Variants in MUSK observed in about 807,000 individuals in gnomAD.
MUSK encodes the protein muscle associated receptor tyrosine kinase.
A neutral mutation model predicts 88.7 loss-of-function variants in MUSK; 55 were observed. That is an observed-to-expected ratio of 0.62 (90% confidence interval 0.50 to 0.78). MUSK has a LOEUF of 0.78. Among genes scored for constraint, MUSK ranks in the 30% least tolerant of loss-of-function variants. The probability of loss-of-function intolerance (pLI) is 0.00; values close to 1 mark genes in which losing one functional copy is unlikely to be tolerated. For synonymous variants in MUSK, 387 were observed against 391.9 expected (o/e 0.99, Z 0.15); for missense variants, 1,015 against 1,074.3 (o/e 0.94, Z 0.77).
At chr9:110,693,635 T>C (rs2076387785) in intron 3 of MUSK, among the ~76,000 whole-genome samples, 1 of 152,210 alleles carries the variant, frequency 6.6e-6, no homozygotes, top group Non-Finnish European at 1.5e-5. Flanking sequence ...ACCCTAGTCA[T>C]TCCTAGTTGA....
intron 6 of MUSK, among the ~76,000 whole-genome samples, chr9:110,743,958 T>A (rs2077136381): frequency 6.6e-6 from 1 of 151,212 alleles, no homozygotes; most frequent in East Asian, 1.9e-4. Context: ...CTGGGCAACA[T>A]CCTTTTTTTT....
chr9:110,752,355 C>T (rs1259809471), intron 7 of MUSK, among the ~76,000 whole-genome samples: 2 of 152,202 alleles, frequency 1.3e-5, no homozygotes, highest in Admixed American at 1.3e-4. Flanking sequence ...CTCTTTCATT[C>T]AGGGTCATTT....
At chr9:110,697,897 T>G (rs1395514628) in intron 5 of MUSK, among the ~76,000 whole-genome samples, 1 of 142,488 alleles carries the variant, frequency 7.0e-6, no homozygotes, top group African/African-American at 2.5e-5. Context: ...TAGTGTTCTA[T>G]CACAAAGCTT....
chr9:110,695,363 C>T, intron 3 of MUSK, 40 bp from the exon 4 acceptor site: 1 of 1,331,998 alleles, frequency 7.5e-7, no homozygotes, highest in Non-Finnish European at 1.0e-6. Flanking sequence ...TTAATAAAGC[C>T]ATATTGCCTT....
chr9:110,684,737 T>C (rs2076173107), intron 2 of MUSK, among the ~76,000 whole-genome samples: 1 of 152,136 alleles, frequency 6.6e-6, no homozygotes. Flanking sequence ...TGTGTGGCTA[T>C]TGTAAATAGG....
At chr9:110,798,722 T>C (rs1371392175) in intron 14 of MUSK, among the ~76,000 whole-genome samples, 1 of 152,128 alleles carries the variant, frequency 6.6e-6, no homozygotes, top group African/African-American at 2.4e-5. Context: ...TTATTATATT[T>C]TGAAGTCCCA....
rs77673467 is a variant in MUSK, at chr9:110,695,872, C to A, written c.486+342C>A. On this transcript the variant is annotated intron_variant, in intron 4 of 14. Coordinates refer to ENST00000374448, the MANE Select transcript of MUSK (RefSeq NM_005592.4). Reference sequence around the variant, plus strand: ...GGGGATGAAAAAGAAAAACTAAAACCCAGGCTTTAGAACTGACAGTTTCTG... The same window carrying A: ...GGGGATGAAAAAGAAAAACTAAAACACAGGCTTTAGAACTGACAGTTTCTG... Among the ~76,000 whole-genome samples the A allele has an allele frequency of 1.6e-3, 240 of 151,686 alleles. 7 individuals are homozygous for A. The East Asian group carries it at 0.045, about 28-fold the overall frequency.
At chr9:110,732,019 G>A (rs574098622) in intron 5 of MUSK, among the ~76,000 whole-genome samples, 82 of 151,916 alleles carry the variant, frequency 5.4e-4, no homozygotes, top group Non-Finnish European at 7.6e-4. Flanking sequence ...AAACATAATC[G>A]AAATTACATT....
At chr9:110,693,740 T>A (rs1288226706) in intron 3 of MUSK, among the ~76,000 whole-genome samples, 1 of 152,200 alleles carries the variant, frequency 6.6e-6, no homozygotes, top group Non-Finnish European at 1.5e-5. Flanking sequence ...ATTTTTGCTT[T>A]AAGCAAAGGT....
chr9:110,765,733 C>T (rs1328037699), intron 8 of MUSK, among the ~76,000 whole-genome samples: 1 of 151,848 alleles, frequency 6.6e-6, no homozygotes, highest in Non-Finnish European at 1.5e-5. Flanking sequence ...GCCACCACGC[C>T]CGGCTAATTT....
chr9:110,778,142 G>C (rs1588028349), intron 11 of MUSK, among the ~76,000 whole-genome samples: 1 of 152,082 alleles, frequency 6.6e-6, no homozygotes, highest in South Asian at 2.1e-4. Context: ...GGTCACAAAA[G>C]AGCTGTTAAT....
intron 1 of MUSK, among the ~76,000 whole-genome samples, chr9:110,674,489 G>A (rs190750512): frequency 1.3e-5 from 2 of 152,152 alleles, no homozygotes; most frequent in Admixed American, 6.5e-5. Flanking sequence ...ACTTGACTAC[G>A]ATTAATAGAA....
chr9:110,711,805 C>A (rs187274252), intron 5 of MUSK, among the ~76,000 whole-genome samples: 1 of 152,126 alleles, frequency 6.6e-6, no homozygotes, highest in Non-Finnish European at 1.5e-5. Context: ...TCTTTTTAAT[C>A]AAAAGTGGGG....
At chr9:110,709,485 T>C (rs1341713497) in intron 5 of MUSK, among the ~76,000 whole-genome samples, 2 of 152,324 alleles carry the variant, frequency 1.3e-5, no homozygotes, top group East Asian at 3.9e-4. Flanking sequence ...AAAATTAGGT[T>C]AATAATACTA....
intron 7 of MUSK, among the ~76,000 whole-genome samples, chr9:110,755,954 A>ATATATATACG (rs2077311967): frequency 1.8e-5 from 2 of 110,518 alleles, no homozygotes; most frequent in African/African-American, 6.5e-5. Flanking sequence ...ATATATACAC[A>ATATATATACG]TATATATATA....
At chr9:110,774,146 C>A (rs2077626853) in intron 9 of MUSK, among the ~76,000 whole-genome samples, 1 of 152,194 alleles carries the variant, frequency 6.6e-6, no homozygotes, top group South Asian at 2.1e-4. Context: ...TTATTTCACA[C>A]ATTATTTTCA....
intron 3 of MUSK, among the ~76,000 whole-genome samples, chr9:110,689,633 A>G (rs1409204530): frequency 1.5e-5 from 1 of 67,070 alleles, no homozygotes; most frequent in Non-Finnish European, 2.8e-5. Context: ...ATTATATATT[A>G]GTATATATTA....
rs752514384 is a variant in MUSK, at chr9:110,800,600, T to C, written c.2222T>C (p.Ile741Thr). 4.3e-6 allele frequency: 7 copies of C among 1,613,484 alleles called. No individual in the cohort carries two copies. Among genetic ancestry groups the C allele is most frequent in the Admixed American group, 3.3e-5 (2 of 59,940 alleles). Residue 741 changes from isoleucine to threonine, a missense_variant, in exon 15 of 15, where the codon ATT becomes ACT. Transcript: ENST00000374448. ...GTGGGCGAGAACATGGTGGTGAAAA[T>C]TGCCGACTTTGGCCTCTCCAGGAAC... ...CLVGENMVVK[I>T]ADFGLSRNIY...
intron 11 of MUSK, among the ~76,000 whole-genome samples, chr9:110,780,404 A>T (rs1287037310): frequency 6.6e-6 from 1 of 152,152 alleles, no homozygotes; most frequent in Non-Finnish European, 1.5e-5. Flanking sequence ...TTGCAGAGTG[A>T]TTCTCAATAT....
Sources: allele counts gnomAD v4.1 joint callset (sites outside exome capture counted in the v4.1 genomes callset), GRCh38; gene constraint gnomAD v4.1.1; transcripts MANE v1.5; gene names NCBI Gene and HGNC (gene_info 2026-07-23, HGNC 2026-07-21).